Variants in TBC1D8 observed in about 807,000 individuals in gnomAD.
TBC1D8 encodes the protein TBC1 domain family member 8, also known as BUB2-like protein 1.
A neutral mutation model predicts 118.8 loss-of-function variants in TBC1D8; 65 were observed. That is an observed-to-expected ratio of 0.55 (90% CI 0.45 to 0.67). The LOEUF (loss-of-function observed/expected upper bound fraction) is 0.67, where lower values mean the gene tolerates loss of function less well. Among genes scored for constraint, TBC1D8 ranks in the 30% least tolerant of loss-of-function variants. The pLI, the probability that TBC1D8 is intolerant of heterozygous loss-of-function variation, is 0.00. For synonymous variants in TBC1D8, 566 were observed against 595.8 expected (o/e 0.95, Z 0.73); for missense variants, 1,376 against 1,471.2 (o/e 0.94, Z 1.06).
Position 101,008,251 on chromosome 2 carries a change from T to G in TBC1D8, c.3038A>C (p.Lys1013Thr). 2 of 1,553,196 alleles carry G rather than the reference T, an allele frequency of 1.3e-6. No homozygotes were observed. Among genetic ancestry groups the G allele is most frequent in the Non-Finnish European group, 1.7e-6 (2 of 1,148,760 alleles). Residue 1013 changes from lysine (K) to threonine (T), a missense_variant, in exon 20 of 20, where the codon AAA becomes ACA. Transcript: ENST00000409318. ...MSQREFIQFC[K>T]TLYSMFHEDP... ...TTCATGGAACATACTGTACAGAGTT[T>G]TACAGAACTGGATAAATTCTCTCTG... is the stretch of plus-strand genomic sequence containing the variant.
intron 5 of TBC1D8, 48 bp from the exon 6 acceptor site, chr2:101,040,433 G>GAC (rs1336015055): frequency 1.3e-6 from 2 of 1,504,704 alleles, no homozygotes; most frequent in Non-Finnish European, 1.8e-6. Context: ...AAGGTGAATG[G>GAC]ACAGCCAAGA....
At chr2:101,091,333 TA>T (rs1409191609) in intron 1 of TBC1D8, among the ~76,000 whole-genome samples, 1 of 152,082 alleles carries the variant, frequency 6.6e-6, no homozygotes, top group African/African-American at 2.4e-5. Flanking sequence ...TTACAGACCA[TA>T]AAGCACGAAA....
chr2:101,045,898 C>G (rs188572640), intron 5 of TBC1D8, among the ~76,000 whole-genome samples: 83 of 152,306 alleles, frequency 5.4e-4, no homozygotes, highest in African/African-American at 1.9e-3. Context: ...GAGGCTGAGG[C>G]AGGAGAATCT....
chr2:101,058,262 C>T (rs932007275), intron 3 of TBC1D8, among the ~76,000 whole-genome samples: 32 of 152,172 alleles, frequency 2.1e-4, no homozygotes, highest in African/African-American at 7.2e-4. Flanking sequence ...TTCCCTTTCA[C>T]CAAATCCCAC....
intron 15 of TBC1D8, chr2:101,023,536 C>G (rs2105378599): frequency 1.4e-5 from 5 of 361,670 alleles, no homozygotes; most frequent in South Asian, 1.1e-4. Flanking sequence ...TGGGGAGGGC[C>G]CCAGAGGTGG....
At chr2:101,024,511 A>G (rs895112755) in intron 15 of TBC1D8, among the ~76,000 whole-genome samples, 2 of 151,184 alleles carry the variant, frequency 1.3e-5, no homozygotes, top group African/African-American at 2.4e-5. Flanking sequence ...GGTTCAAGCA[A>G]TTCTCCTGCC....
In TBC1D8 at chr2:101,022,824, TTTA is replaced by T. The variant is rs1048564134; in HGVS notation, c.2521-306_2521-304del. 2.2e-4 allele frequency among the ~76,000 whole-genome samples: 33 copies of T among 152,180 alleles called. 1 individual carries two copies. The highest frequency in any genetic ancestry group is 8.0e-4 in the African/African-American group (33 of 41,458). On this transcript the variant is annotated intron_variant, in intron 15 of 19. Transcript: ENST00000409318. ...TTTTCATTATAGAAGACACACAATT[TTTA>T]TTCTGATATTTTCACTTAAAATCCT...
At chr2:101,119,534 G>A (rs1299529337) in intron 1 of TBC1D8, among the ~76,000 whole-genome samples, 1 of 152,166 alleles carries the variant, frequency 6.6e-6, no homozygotes, top group Non-Finnish European at 1.5e-5. Flanking sequence ...CTAGAGCAGG[G>A]GTTCTCAACT....
At chr2:101,078,519 A>G (rs913797410) in intron 2 of TBC1D8, among the ~76,000 whole-genome samples, 1 of 152,150 alleles carries the variant, frequency 6.6e-6, no homozygotes, top group African/African-American at 2.4e-5. Flanking sequence ...GATGTTTCCT[A>G]AAATACGTAG....
chr2:101,141,723 C>G (rs180690005), intron 1 of TBC1D8, among the ~76,000 whole-genome samples: 5 of 150,038 alleles, frequency 3.3e-5, no homozygotes, highest in Admixed American at 1.3e-4. Context: ...AAAAAACCTA[C>G]AATGAAAATA....
chr2:101,041,945 A>G (rs1384483646), intron 5 of TBC1D8, among the ~76,000 whole-genome samples: 4 of 151,948 alleles, frequency 2.6e-5, no homozygotes, highest in Non-Finnish European at 5.9e-5. Flanking sequence ...GGATCACTTG[A>G]GCCCAGGAGA....
At chr2:101,010,328 C>T (rs1395787916) in intron 19 of TBC1D8, among the ~76,000 whole-genome samples, 2 of 152,128 alleles carry the variant, frequency 1.3e-5, no homozygotes, top group Non-Finnish European at 2.9e-5. Context: ...GGGAAGAATG[C>T]TGTATCCACA....
chr2:101,009,148 C>T (rs1678981505), intron 19 of TBC1D8, among the ~76,000 whole-genome samples: 2 of 152,164 alleles, frequency 1.3e-5, no homozygotes, highest in Admixed American at 1.3e-4. Context: ...AATCCCAGCA[C>T]TTTGGGAGGC....
Position 101,011,494 on chromosome 2 carries a change from A to C in TBC1D8, c.2874T>G (p.Pro958=). 1 of 1,613,858 alleles carries C rather than the reference A, an allele frequency of 6.2e-7. No individual in the cohort carries two copies. The highest frequency in any genetic ancestry group is 2.2e-5 in the East Asian group (1 of 44,896). The change falls in exon 18 of 20, where the codon CCT becomes CCG. Residue 958 remains proline (P), a synonymous_variant. Coordinates refer to ENST00000409318, the MANE Select transcript of TBC1D8 (RefSeq NM_001330348.2). ...CCAGGGGTCTCGATGTTGACAACAGAGGATTCCTCAACGGCGACTGGCTGT... is the reference window on the plus strand; with the variant it reads ...CCAGGGGTCTCGATGTTGACAACAGCGGATTCCTCAACGGCGACTGGCTGT... The part of the protein sequence containing the change: ...DRDSQSPLRN[P]LLSTSRPLVF...
At chr2:101,077,509 AGT>A (rs1674922424) in intron 2 of TBC1D8, among the ~76,000 whole-genome samples, 1 of 152,320 alleles carries the variant, frequency 6.6e-6, no homozygotes, top group South Asian at 2.1e-4. Context: ...GGCCTCCCAA[AGT>A]GCTGGGATTA....
chr2:101,138,526 C>G (rs1380896267), intron 1 of TBC1D8, among the ~76,000 whole-genome samples: 1 of 152,210 alleles, frequency 6.6e-6, no homozygotes, highest in East Asian at 1.9e-4. Context: ...GTCACCTGCA[C>G]TTCCGACCAA....
At chr2:101,151,067 G>A (rs996622443) in intron 1 of TBC1D8, 60 bp downstream of exon 1, 3 of 977,750 alleles carry the variant, frequency 3.1e-6, no homozygotes, top group Non-Finnish European at 2.4e-6. Flanking sequence ...GGGGCCGCGG[G>A]CCCGGCGGGG....
At chr2:101,059,589 A>G (rs1337861698) in intron 2 of TBC1D8, 50 bp from the exon 3 acceptor site, 1 of 1,419,784 alleles carries the variant, frequency 7.0e-7, no homozygotes, top group Admixed American at 1.7e-5. Flanking sequence ...CAATAGAAGT[A>G]ATTCCTAGAA....
intron 2 of TBC1D8, among the ~76,000 whole-genome samples, chr2:101,077,863 C>T (rs977336407): frequency 1.5e-4 from 23 of 152,158 alleles, no homozygotes; most frequent in African/African-American, 5.6e-4. Context: ...AAACAATTAC[C>T]AGCCTTTATT....
Sources: allele counts gnomAD v4.1 joint callset (sites outside exome capture counted in the v4.1 genomes callset), GRCh38; gene constraint gnomAD v4.1.1; transcripts MANE v1.5; gene names NCBI Gene and HGNC (gene_info 2026-07-23, HGNC 2026-07-21).